TM9SF1: variants seen among roughly 807,000 people sequenced by gnomAD.
The protein encoded by TM9SF1 is transmembrane 9 superfamily member 1, also known as MP70 protein family member.
TM9SF1 carries 25 observed loss-of-function variants against 52.4 expected under a neutral mutation model. The ratio of observed to expected loss-of-function variants is 0.48; its 90% CI spans 0.35 to 0.67. The LOEUF is 0.67. TM9SF1 is among the 30% of genes least tolerant of loss of function. TM9SF1 has a pLI of 0.01. For missense variants in TM9SF1, 604 were observed against 780.3 expected (o/e 0.77, Z 2.69); for synonymous variants, 284 against 299.8 (o/e 0.95, Z 0.55).
At position 24,190,413 on chromosome 14, in the gene TM9SF1, A is replaced by G; in HGVS notation, c.1394T>C (p.Ile465Thr). ...CAGGAAGCCTCCAACAGTCATGTGG[A>G]TGACAGTAGACTTGTACCAGGGCTG... is the stretch of plus-strand genomic sequence containing the variant. ...PPQPWYKSTV[I>T]HMTVGGFLPF... Residue 465 changes from isoleucine (I) to threonine (T), a missense_variant, in exon 5 of 6, where the codon ATC (isoleucine) becomes ACC (threonine). This residue lies in a region of TM9SF1 where 107 missense variants were observed against 180.5 expected (regional missense o/e 0.59). Coordinates refer to ENST00000261789, the MANE Select transcript of TM9SF1 (RefSeq NM_006405.7). 1 of 1,604,678 alleles carries G rather than the reference A, an allele frequency of 6.2e-7. No individual in the cohort carries two copies.
At position 24,193,154 on chromosome 14, in the gene TM9SF1, C is replaced by A. The variant is rs1262308204; in HGVS notation, c.461G>T (p.Ser154Ile). ...ATGGGTCCAGAGTCCTATCTTGTGG[C>A]TGTGTGGCAGGAAACCACTCTCCTC... is the stretch of plus-strand genomic sequence containing the variant. ...YMEESGFLPH[S>I]HKIGLWTHLD... Residue 154 changes from serine to isoleucine, a missense_variant, in exon 3 of 6, where the codon AGC becomes ATC. This residue lies in a region of TM9SF1 where 450 missense variants were observed against 560.1 expected (regional missense o/e 0.80). Coordinates refer to ENST00000261789, the MANE Select transcript of TM9SF1 (RefSeq NM_006405.7). 1.9e-6 allele frequency: 3 copies of A among 1,614,128 alleles called. No individual in the cohort carries two copies. In the South Asian group the frequency reaches 3.3e-5, roughly 18 times the overall value.
Position 24,194,848 on chromosome 14 carries a change from T to C in TM9SF1, c.172A>G (p.Thr58Ala). ...ACTGGAAGCTGATAGTAGTGGTAAG[T>C]TTCCTGAGGGTTATGGTAGGGTCCC... ...KVGPYHNPQE[T>A]YHYYQLPVCC... The change falls in exon 2 of 6, where the codon ACT becomes GCT. Residue 58 changes from threonine (T) to alanine (A), a missense_variant. Thr to Ala is a moderately conservative substitution (Grantham distance 58). Transcript: ENST00000261789. The C allele has an allele frequency of 4.3e-6, 7 of 1,614,238 alleles. No individual in the cohort carries two copies. Among genetic ancestry groups the C allele is most frequent in the Non-Finnish European group, 5.9e-6 (7 of 1,180,038 alleles).
chr14:24,195,240 C>T, intron 1 of TM9SF1, 106 bp downstream of exon 1: 2 of 567,528 alleles, frequency 3.5e-6, no homozygotes, highest in Non-Finnish European at 3.1e-6. Context: ...CCACCCGCAG[C>T]CCGTCTGGCC....
rs769142728 is a variant in TM9SF1 at position 24,193,069 on chromosome 14, C to T, written c.546G>A (p.Arg182=). ...CATCCAAGCTGTGGGGCTTGACGTCCCGCACTGAAACATTGGCAAATATAA... is the reference window on the plus strand; with the variant it reads ...CATCCAAGCTGTGGGGCTTGACGTCTCGCACTGAAACATTGGCAAATATAA... ...DRIIFANVSV[R]DVKPHSLDGL... Residue 182 remains arginine, a synonymous_variant, in exon 3 of 6, where the codon CGG becomes CGA. Transcript: ENST00000261789. The T allele has an allele frequency of 2.8e-5, 45 of 1,614,058 alleles. No homozygotes were observed. The highest frequency in any genetic ancestry group is 4.0e-5 in the African/African-American group (3 of 74,920).
rs756414541 is a variant in TM9SF1 at position 24,192,839 on chromosome 14, C to T, written c.776G>A (p.Arg259His). Residue 259 changes from arginine (R) to histidine (H), a missense_variant, in exon 3 of 6, where the codon CGT (arginine) becomes CAT (histidine). Arg to His is a conservative substitution (Grantham distance 29, BLOSUM62 0). This residue lies in a region of TM9SF1 where 450 missense variants were observed against 560.1 expected (regional missense o/e 0.80). Coordinates refer to ENST00000261789, the MANE Select transcript of TM9SF1 (RefSeq NM_006405.7). The surrounding 1 kb of genome is among the most constrained non-coding windows in gnomAD (Gnocchi z 4.0). ...LVGFVAVILM[R>H]VLRNDLARYN... ...CCGAGCCAGGTCATTCCGAAGCACA[C>T]GCATTAGAATGACAGCCACAAAACC... The T allele has an allele frequency of 4.3e-6, 7 of 1,613,320 alleles. No homozygotes were observed. The highest frequency in any genetic ancestry group is 1.3e-5 in the African/African-American group (1 of 74,908).
Position 24,193,063 on chromosome 14 carries a change from G to C in TM9SF1, c.552C>G (p.Val184=). 2 of 1,614,182 alleles carry C rather than the reference G, an allele frequency of 1.2e-6. No individual in the cohort carries two copies. Among genetic ancestry groups the C allele is most frequent in the Non-Finnish European group, 1.7e-6 (2 of 1,180,038 alleles). The change falls in exon 3 of 6, where the codon GTC becomes GTG. Residue 184 remains valine, a synonymous_variant. Transcript: ENST00000261789. ...GTAACCCATCCAAGCTGTGGGGCTT[G>C]ACGTCCCGCACTGAAACATTGGCAA... is the stretch of plus-strand genomic sequence containing the variant. ...IIFANVSVRD[V]KPHSLDGLRP... is the part of the protein sequence containing the mutation.
intron 2 of TM9SF1, among the ~76,000 whole-genome samples, chr14:24,194,033 T>C (rs931212524): frequency 6.6e-6 from 1 of 152,156 alleles, no homozygotes; most frequent in African/African-American, 2.4e-5. Context: ...GTAGCTTTCC[T>C]GGCCTCTTCC....
chr14:24,189,247 T>TA lies in TM9SF1; in HGVS notation c.*167dup, dbSNP rs2138824962. 1 of 690,958 alleles carries TA rather than the reference T, an allele frequency of 1.4e-6. No homozygotes were observed. Among genetic ancestry groups the TA allele is most frequent in the Non-Finnish European group, 2.4e-6 (1 of 416,448 alleles). 42.8% of individuals were successfully genotyped at this position (690,958 alleles called of 1,614,324 possible). ...GTTCAAATATATAATCCTTATGTGA[T>TA]AGAGATTTATAATTTCCAGGCCCTC... is the stretch of plus-strand genomic sequence containing the variant. On this transcript the variant is annotated 3_prime_UTR_variant, in exon 6 of 6. Coordinates refer to ENST00000261789, the MANE Select transcript of TM9SF1 (RefSeq NM_006405.7).
In TM9SF1 at chr14:24,193,086, C is replaced by A. The variant is rs760752649; in HGVS notation, c.529G>T (p.Ala177Ser). Residue 177 changes from alanine (A) to serine (S), a missense_variant, in exon 3 of 6, where the codon GCC becomes TCC. By Grantham distance (99) the Ala-to-Ser change is moderately conservative. This residue lies in a region of TM9SF1 where 450 missense variants were observed against 560.1 expected (regional missense o/e 0.80). Transcript: ENST00000261789. The part of the protein sequence containing the change: ...LEFHGDRIIF[A>S]NVSVRDVKPH... ...TTGACGTCCCGCACTGAAACATTGG[C>A]AAATATAATTCGGTCTCCATGGAAT... is the stretch of plus-strand genomic sequence containing the variant. 23 of 1,614,146 alleles carry A rather than the reference C, an allele frequency of 1.4e-5. No homozygotes were observed. The South Asian group carries it at 2.3e-4, about 16-fold the overall frequency.
rs762084434 is a variant in TM9SF1, at chr14:24,192,999, C to A, written c.616G>T (p.Val206Leu). ...TCCACTGAAGTCTCAGACCAGCGCA[C>A]GCTATAAGTGTGGGTAAGGCCTAGG... The part of the protein sequence containing the change: ...EFLGLTHTYS[V>L]RWSETSVERR... The change falls in exon 3 of 6, where the codon GTG becomes TTG. Residue 206 changes from valine to leucine, a missense_variant. This residue lies in a region of TM9SF1 where 450 missense variants were observed against 560.1 expected (regional missense o/e 0.80). Transcript: ENST00000261789. This position sits in a 1 kb window ranked among gnomAD's most constrained non-coding sequence, Gnocchi z 4.0. The A allele has an allele frequency of 6.2e-7, 1 of 1,614,160 alleles. No individual in the cohort carries two copies. Among genetic ancestry groups the A allele is most frequent in the Non-Finnish European group, 8.5e-7 (1 of 1,180,036 alleles).
Position 24,190,496 on chromosome 14 carries a change from G to A in TM9SF1, c.1311C>T (p.Asn437=), listed in dbSNP as rs768003463. 1.2e-5 allele frequency: 20 copies of A among 1,614,082 alleles called. No homozygotes were observed. The highest frequency in any genetic ancestry group is 5.3e-5 in the African/African-American group (4 of 74,918). The part of the protein sequence containing the change: ...TVIGGIFGKN[N]ASPFDAPCRT... ...GACAGGGTGCATCAAAGGGGCTGGCGTTGTTCTTCCCAAAGATGCCTCCAA... is the reference window on the plus strand; with the variant it reads ...GACAGGGTGCATCAAAGGGGCTGGCATTGTTCTTCCCAAAGATGCCTCCAA... Residue 437 remains asparagine (N), a synonymous_variant, in exon 5 of 6, where the codon AAC becomes AAT. Transcript: ENST00000261789.
rs1006689140 is a variant in TM9SF1, at chr14:24,192,712, G to C, written c.903C>G (p.Pro301=). ...KIIHTDVFRF[P]PYRGLLCAVL... ...CAGCACAGAGCAGACCACGGTATGGGGGGAAGCGGAAGACATCTGTATGGA... is the reference window on the plus strand; with the variant it reads ...CAGCACAGAGCAGACCACGGTATGGCGGGAAGCGGAAGACATCTGTATGGA... The change falls in exon 3 of 6, where the codon CCC becomes CCG. Residue 301 remains proline, a synonymous_variant. Coordinates refer to ENST00000261789, the MANE Select transcript of TM9SF1 (RefSeq NM_006405.7). This position sits in a 1 kb window ranked among gnomAD's most constrained non-coding sequence, Gnocchi z 4.0. 2 of 1,611,824 alleles carry C rather than the reference G, an allele frequency of 1.2e-6. No homozygotes were observed.
chr14:24,189,955 G>T, intron 5 of TM9SF1, 147 bp from the exon 6 acceptor site: 1 of 1,395,954 alleles, frequency 7.2e-7, no homozygotes, highest in Admixed American at 3.0e-5. Context: ...CAGATCTCCT[G>T]GCTTCATGGG....
chr14:24,192,705 G>T lies in TM9SF1; in HGVS notation c.910C>A (p.Arg304Ser). ...HTDVFRFPPY[R>S]GLLCAVLGVG... ...CCAAGCACAGCACAGAGCAGACCAC[G>T]GTATGGGGGGAAGCGGAAGACATCT... The change falls in exon 3 of 6, where the codon CGT becomes AGT. Residue 304 changes from arginine to serine, a missense_variant. Transcript: ENST00000261789. This position sits in a 1 kb window ranked among gnomAD's most constrained non-coding sequence, Gnocchi z 4.0. 1.2e-6 allele frequency: 2 copies of T among 1,610,540 alleles called. No homozygotes were observed. The highest frequency in any genetic ancestry group is 2.2e-5 in the South Asian group (2 of 90,466).
chr14:24,189,570 G>A lies in TM9SF1; in HGVS notation c.1666C>T (p.Arg556Trp), dbSNP rs138225742. 5.7e-4 allele frequency: 913 copies of A among 1,614,102 alleles called. No individual in the cohort carries two copies. Among genetic ancestry groups the A allele is most frequent in the Non-Finnish European group, 6.8e-4 (806 of 1,180,026 alleles). ...ACTGCCCCAGACATGTTGGAGCGCC[G>A]GGCATAATAGAAAACTGAGTAGAGG... ...IFLYSVFYYARRSNMSGAVQT... is the reference protein window; with the variant it reads ...IFLYSVFYYAWRSNMSGAVQT... The change falls in exon 6 of 6, where the codon CGG becomes TGG. Residue 556 changes from arginine to tryptophan, a missense_variant. Around this residue, in one of 3 missense-constraint regions of TM9SF1, gnomAD observed 107 missense variants for 180.5 expected, o/e 0.59. Coordinates refer to ENST00000261789, the MANE Select transcript of TM9SF1 (RefSeq NM_006405.7).
Position 24,195,408 on chromosome 14 carries a change from GC to G in TM9SF1, c.-81del. 4.5e-6 allele frequency: 1 copy of G among 222,588 alleles called. No homozygotes were observed. Among genetic ancestry groups the G allele is most frequent in the Non-Finnish European group, 9.0e-6 (1 of 110,520 alleles). The allele number at this position is 222,588 out of a possible 1,614,324, so 13.8% of individuals were successfully genotyped here. On this transcript the variant is annotated 5_prime_UTR_variant, in exon 1 of 6. Transcript: ENST00000261789. The stretch of plus-strand genomic sequence containing the variant: ...TTCGCGCCCCCGTAGCTGCCTTTGG[GC>G]TCCTGCTGGGGTCTCTCCCACAGCG...
chr14:24,191,943 A>G (rs548110460), intron 4 of TM9SF1: 1 of 459,014 alleles, frequency 2.2e-6, no homozygotes, highest in Non-Finnish European at 4.0e-6. Flanking sequence ...CAGCCTCCCA[A>G]GTAGCTGGGA....
At chr14:24,193,647 G>A (rs913726296) in intron 2 of TM9SF1, among the ~76,000 whole-genome samples, 8 of 151,024 alleles carry the variant, frequency 5.3e-5, no homozygotes, top group African/African-American at 1.5e-4. Flanking sequence ...TTGGTCGGGT[G>A]CGGAGGCTCA....
rs373096114 is a variant in TM9SF1, at chr14:24,193,081, A to G, written c.534T>C (p.Asn178=). Residue 178 remains asparagine, a synonymous_variant, in exon 3 of 6, where the codon AAT becomes AAC. Coordinates refer to ENST00000261789, the MANE Select transcript of TM9SF1 (RefSeq NM_006405.7). ...EFHGDRIIFA[N]VSVRDVKPHS... The stretch of plus-strand genomic sequence containing the variant: ...GGGGCTTGACGTCCCGCACTGAAAC[A>G]TTGGCAAATATAATTCGGTCTCCAT... The G allele has an allele frequency of 3.1e-6, 5 of 1,614,036 alleles. No homozygotes were observed. In the African/African-American group the frequency reaches 5.3e-5, roughly 17 times the overall value.
Sources: allele counts gnomAD v4.1 joint callset (sites outside exome capture counted in the v4.1 genomes callset), GRCh38; gene constraint gnomAD v4.1.1; regional missense constraint gnomAD v4.1.1; non-coding constraint Gnocchi (gnomAD v3.1); transcripts MANE v1.5; gene names NCBI Gene and HGNC (gene_info 2026-07-23, HGNC 2026-07-21).